CFAP299: variants seen among roughly 807,000 people sequenced by gnomAD.
CFAP299 encodes cilia- and flagella-associated protein 299.
Under a neutral mutation model 27.0 loss-of-function variants are expected in CFAP299, and 21 were observed. The ratio of observed to expected loss-of-function variants is 0.78; its 90% CI spans 0.55 to 1.12. The LOEUF is 1.12. CFAP299 is among the 50% of genes most tolerant of loss of function. CFAP299 has a pLI of 0.00. For synonymous variants in CFAP299, 104 were observed against 98.1 expected, an observed-to-expected ratio of 1.06 and a Z score of -0.36; for missense variants, 310 against 276.6, an observed-to-expected ratio of 1.12 and a Z score of -0.86.
intron 2 of CFAP299, among the ~76,000 whole-genome samples, chr4:80,424,253 T>G (rs1727432446): frequency 6.6e-6 from 1 of 152,202 alleles, no homozygotes; most frequent in African/African-American, 2.4e-5. Flanking sequence ...TGGTGGTATG[T>G]GGAAGGCAAG....
At chr4:80,781,330 C>CA (rs1236410334) in intron 3 of CFAP299, among the ~76,000 whole-genome samples, 5 of 151,818 alleles carry the variant, frequency 3.3e-5, no homozygotes, top group Non-Finnish European at 7.4e-5. Flanking sequence ...AGTGACACTT[C>CA]AAAAAAGCCT....
At chr4:80,410,683 T>G (rs761877132) in intron 2 of CFAP299, among the ~76,000 whole-genome samples, 1 of 152,236 alleles carries the variant, frequency 6.6e-6, no homozygotes, top group Admixed American at 6.5e-5. Flanking sequence ...TAACAGCTAA[T>G]GTTATATTGA....
chr4:80,622,952 A>G lies in CFAP299; in HGVS notation c.333+39769A>G, dbSNP rs556795001. Among the ~76,000 whole-genome samples, 5 of 152,328 alleles carry G rather than the reference A, an allele frequency of 3.3e-5. No homozygotes were observed. The South Asian group carries it at 6.2e-4, about 19-fold the overall frequency. On this transcript the variant is annotated intron_variant, in intron 3 of 5. Transcript: ENST00000358105. The stretch of plus-strand genomic sequence containing the variant: ...TATTTGTAACTATGAGCTTGGGGCT[A>G]TGGCTTTGTAGGACACTGTAGACCA...
At chr4:80,844,873 T>G (rs1329873952) in intron 3 of CFAP299, among the ~76,000 whole-genome samples, 1 of 152,182 alleles carries the variant, frequency 6.6e-6, no homozygotes, top group Admixed American at 6.5e-5. Flanking sequence ...TCTTCCAGAG[T>G]TTTTATGGTT....
intron 3 of CFAP299, among the ~76,000 whole-genome samples, chr4:80,655,199 T>C (rs1448659810): frequency 1.3e-5 from 2 of 152,162 alleles, no homozygotes; most frequent in Non-Finnish European, 2.9e-5. Context: ...ATAGGTATTA[T>C]CCATTTAATT....
intron 1 of CFAP299, among the ~76,000 whole-genome samples, chr4:80,356,541 G>T (rs1723288450): frequency 6.6e-6 from 1 of 152,014 alleles, no homozygotes; most frequent in South Asian, 2.1e-4. Flanking sequence ...TCCTTGAAGA[G>T]TTCCTTCACC....
intron 3 of CFAP299, among the ~76,000 whole-genome samples, chr4:80,618,101 A>T (rs918413189): frequency 6.6e-6 from 1 of 152,136 alleles, no homozygotes. Context: ...AAGAGGAAAG[A>T]TCGGGATGAA....
chr4:80,348,565 A>T (rs1722861452), intron 1 of CFAP299, among the ~76,000 whole-genome samples: 1 of 152,240 alleles, frequency 6.6e-6, no homozygotes, highest in South Asian at 2.1e-4. Context: ...GGGAAATGCA[A>T]ATCAAACCAC....
chr4:80,900,369 T>C (rs2110194616), intron 4 of CFAP299, among the ~76,000 whole-genome samples: 1 of 152,242 alleles, frequency 6.6e-6, no homozygotes, highest in South Asian at 2.1e-4. Context: ...ACAGAAATAA[T>C]ATTAACATAG....
chr4:80,445,413 C>G (rs1728573420), intron 2 of CFAP299, among the ~76,000 whole-genome samples: 1 of 152,126 alleles, frequency 6.6e-6, no homozygotes, highest in Non-Finnish European at 1.5e-5. Flanking sequence ...TCTCAGCAAA[C>G]TAACACAGTA....
Position 80,934,575 on chromosome 4 carries a change from C to CATT in CFAP299, c.477-10231_477-10229dup, listed in dbSNP as rs373891528. On this transcript the variant is annotated intron_variant, in intron 4 of 5. Coordinates refer to ENST00000358105, the MANE Select transcript of CFAP299 (RefSeq NM_152770.3). Reference sequence around the variant, plus strand: ...TCATTGCTGAGTCAACTTTGTTACTCATTATTTGTCTGTTTAGATTTTCTC... The same window carrying CATT: ...TCATTGCTGAGTCAACTTTGTTACTCATTATTATTTGTCTGTTTAGATTTTCTC... Among the ~76,000 whole-genome samples, 612 of 151,164 alleles carry CATT rather than the reference C, an allele frequency of 4.0e-3. 1 individual carries two copies. The highest frequency in any genetic ancestry group is 0.014 in the Middle Eastern group (4 of 294).
chr4:80,735,741 T>C (rs551951940), intron 3 of CFAP299, among the ~76,000 whole-genome samples: 43 of 152,184 alleles, frequency 2.8e-4, no homozygotes, highest in Non-Finnish European at 4.9e-4. Flanking sequence ...ATCAGATTGA[T>C]TGATTTGCAT....
intron 2 of CFAP299, among the ~76,000 whole-genome samples, chr4:80,431,882 G>A (rs746725886): frequency 6.6e-6 from 1 of 152,196 alleles, no homozygotes. Context: ...ATGCCAACAT[G>A]GTCCTGGATG....
intron 2 of CFAP299, among the ~76,000 whole-genome samples, chr4:80,449,584 G>T (rs528855272): frequency 2.5e-4 from 38 of 151,464 alleles, no homozygotes; most frequent in Non-Finnish European, 4.6e-4. Context: ...ATACATTCAA[G>T]AATTTCATTC....
At chr4:80,856,386 G>T (rs1284616079) in intron 3 of CFAP299, among the ~76,000 whole-genome samples, 1 of 151,038 alleles carries the variant, frequency 6.6e-6, no homozygotes. Context: ...TTCTTTTGCT[G>T]TGCAGAAGCT....
intron 4 of CFAP299, among the ~76,000 whole-genome samples, chr4:80,880,449 C>G (rs1467317716): frequency 6.6e-6 from 1 of 151,986 alleles, no homozygotes; most frequent in Non-Finnish European, 1.5e-5. Flanking sequence ...GAAATATAAT[C>G]GTCCAGGTGT....
At chr4:80,586,792 C>T (rs926598220) in intron 3 of CFAP299, among the ~76,000 whole-genome samples, 1 of 152,098 alleles carries the variant, frequency 6.6e-6, no homozygotes, top group African/African-American at 2.4e-5. Context: ...AATGAGAGGT[C>T]ACATGCTGTT....
At chr4:80,479,072 A>T (rs999369312) in intron 2 of CFAP299, among the ~76,000 whole-genome samples, 1 of 152,034 alleles carries the variant, frequency 6.6e-6, no homozygotes, top group Admixed American at 6.6e-5. Flanking sequence ...TAAAAATTAT[A>T]GTAGGGCTTT....
At chr4:80,929,889 A>G (rs1736521715) in intron 4 of CFAP299, among the ~76,000 whole-genome samples, 1 of 152,170 alleles carries the variant, frequency 6.6e-6, no homozygotes, top group Admixed American at 6.5e-5. Flanking sequence ...CTGTAATATT[A>G]TGAAATACAA....
Sources: gnomAD v4.1 joint callset for allele counts (sites outside exome capture counted in the v4.1 genomes callset) on GRCh38, gnomAD v4.1.1 for gene constraint, MANE v1.5 for transcripts, NCBI Gene and HGNC (gene_info 2026-07-23, HGNC 2026-07-21) for gene names.